GPRIN3: variants seen among roughly 807,000 people sequenced by gnomAD.
GPRIN3 encodes G protein-regulated inducer of neurite outgrowth 3.
Under a neutral mutation model 13.7 loss-of-function variants are expected in GPRIN3, and 12 were observed. The ratio of observed to expected loss-of-function variants is 0.87; its 90% CI spans 0.56 to 1.42. The LOEUF is 1.42. GPRIN3 is among the 40% of genes most tolerant of loss of function. GPRIN3 has a pLI of 0.00. For missense variants in GPRIN3, 1,009 were observed against 958.7 expected, an observed-to-expected ratio of 1.05 and a Z score of -0.69; for synonymous variants, 377 against 372.7, an observed-to-expected ratio of 1.01 and a Z score of -0.13.
At chr4:89,286,438 G>A (rs964159120) in intron 1 of GPRIN3, among the ~76,000 whole-genome samples, 4 of 152,032 alleles carry the variant, frequency 2.6e-5, no homozygotes, top group Non-Finnish European at 5.9e-5. Context: ...TTTGTCTTTC[G>A]CTGGTGCTTT....
chr4:89,254,166 C>T (rs890628242), intron 1 of GPRIN3, among the ~76,000 whole-genome samples: 1 of 89,312 alleles, frequency 1.1e-5, no homozygotes, highest in Non-Finnish European at 2.5e-5. Flanking sequence ...GTGTGTCCTG[C>T]ATGGTTTTCT....
chr4:89,257,698 A>T (rs10011508), intron 1 of GPRIN3, among the ~76,000 whole-genome samples: 84,644 of 151,978 alleles, frequency 0.56, 23,960 homozygotes, highest in South Asian at 0.71. Flanking sequence ...GACCTCTTTT[A>T]ATTTTTATTT....
intron 1 of GPRIN3, among the ~76,000 whole-genome samples, chr4:89,305,978 C>T (rs962913436): frequency 4.6e-5 from 7 of 152,140 alleles, no homozygotes; most frequent in African/African-American, 1.4e-4. Context: ...ACACACTGTA[C>T]ATGGCTCTCC....
Position 89,303,537 on chromosome 4 carries a change from G to A in GPRIN3, c.-124+4078C>T, listed in dbSNP as rs967777769. Among the ~76,000 whole-genome samples, 33 of 152,218 alleles carry A rather than the reference G, an allele frequency of 2.2e-4. 1 individual carries two copies. In the Middle Eastern group the frequency reaches 0.014, roughly 63 times the overall value. ...TTAAAGTAGCAGTATTAGGAAAATA[G>A]ATCTTAGTCATAAAATAATTAACAA... On this transcript the variant is annotated intron_variant, in intron 1 of 1. Transcript: ENST00000609438.
intron 1 of GPRIN3, among the ~76,000 whole-genome samples, chr4:89,254,998 T>C (rs1723429014): frequency 6.6e-6 from 1 of 152,234 alleles, no homozygotes; most frequent in Non-Finnish European, 1.5e-5. Context: ...GCGTGGACTC[T>C]CCAAGTGACC....
At chr4:89,273,961 C>T (rs537443123) in intron 1 of GPRIN3, among the ~76,000 whole-genome samples, 2 of 152,236 alleles carry the variant, frequency 1.3e-5, no homozygotes, top group South Asian at 4.1e-4. Context: ...ACTGAGGATA[C>T]GACATGAGTA....
intron 1 of GPRIN3, among the ~76,000 whole-genome samples, chr4:89,257,280 T>C (rs925417450): frequency 3.9e-5 from 6 of 152,176 alleles, no homozygotes; most frequent in African/African-American, 1.2e-4. Context: ...AACATTGTTC[T>C]AGAAAAACGA....
chr4:89,301,500 T>C (rs568064790), intron 1 of GPRIN3, among the ~76,000 whole-genome samples: 1 of 152,290 alleles, frequency 6.6e-6, no homozygotes, highest in African/African-American at 2.4e-5. Flanking sequence ...AAAATATAGT[T>C]CACACAAACA....
intron 1 of GPRIN3, among the ~76,000 whole-genome samples, chr4:89,307,065 A>G (rs1469150307): frequency 6.6e-6 from 1 of 152,046 alleles, no homozygotes. Flanking sequence ...GTTCGCCTCT[A>G]TTAGTGAACA....
At chr4:89,251,146 G>A (rs1213067520) in intron 1 of GPRIN3, 1 of 151,986 alleles carries the variant, frequency 6.6e-6, no homozygotes, top group African/African-American at 2.4e-5. Context: ...TGAAAAAATG[G>A]ATAACAAATA....
intron 1 of GPRIN3, among the ~76,000 whole-genome samples, chr4:89,253,782 A>T (rs949321436): frequency 1.3e-5 from 2 of 150,938 alleles, no homozygotes; most frequent in Admixed American, 1.3e-4. Context: ...AGCACTTGAA[A>T]TCTCTGTATT....
intron 1 of GPRIN3, among the ~76,000 whole-genome samples, chr4:89,298,270 G>T (rs1048131308): frequency 6.6e-6 from 1 of 152,136 alleles, no homozygotes; most frequent in Non-Finnish European, 1.5e-5. Context: ...AAATGCATGT[G>T]TCTGTGACTT....
At chr4:89,272,858 T>C (rs766436374) in intron 1 of GPRIN3, among the ~76,000 whole-genome samples, 1 of 152,230 alleles carries the variant, frequency 6.6e-6, no homozygotes, top group Non-Finnish European at 1.5e-5. Context: ...ACTCACCAAA[T>C]TGATATGCAT....
Position 89,275,136 on chromosome 4 carries a change from C to CTGTGTGTGTGTGTGTG in GPRIN3, c.-123-24919_-123-24904dup, listed in dbSNP as rs56091424. Among the ~76,000 whole-genome samples the CTGTGTGTGTGTGTGTG allele has an allele frequency of 7.5e-3, 1,126 of 149,236 alleles. 11 individuals carry two copies. Among genetic ancestry groups the CTGTGTGTGTGTGTGTG allele is most frequent in the African/African-American group, 0.017 (697 of 40,358 alleles). ...TTTTCCAATAATGGACTAAGTAACT[C>CTGTGTGTGTGTGTGTG]TGTGTGTGTGTGTGTGTGTGTGTCC... On this transcript the variant is annotated intron_variant, in intron 1 of 1. Coordinates refer to ENST00000609438, the MANE Select transcript of GPRIN3 (RefSeq NM_198281.3).
chr4:89,270,563 A>ATT (rs1173623998), intron 1 of GPRIN3, among the ~76,000 whole-genome samples: 16 of 60,466 alleles, frequency 2.6e-4, no homozygotes, highest in South Asian at 1.4e-3. Context: ...TATGTATATA[A>ATT]TTTATATATA....
chr4:89,300,374 C>T (rs1394342), intron 1 of GPRIN3, among the ~76,000 whole-genome samples: 84,212 of 151,854 alleles, frequency 0.55, 24,445 homozygotes, highest in Non-Finnish European at 0.65. Flanking sequence ...GGGACTACAG[C>T]GAAGTAATGA....
chr4:89,303,158 A>T (rs112059447), intron 1 of GPRIN3, among the ~76,000 whole-genome samples: 148 of 152,294 alleles, frequency 9.7e-4, no homozygotes, highest in South Asian at 7.7e-3. Context: ...AAATGCATAC[A>T]AACATATTTA....
Position 89,244,004 on chromosome 4 carries a change from T to C in GPRIN3, c.*3776A>G, listed in dbSNP as rs1272252819. ...GATGCAGAAAAGGACAAACAATTTATATTAACAGCACACTTGCATATATCC... is the reference window on the plus strand; with the variant it reads ...GATGCAGAAAAGGACAAACAATTTACATTAACAGCACACTTGCATATATCC... On this transcript the variant is annotated 3_prime_UTR_variant, in exon 2 of 2. Coordinates refer to ENST00000609438, the MANE Select transcript of GPRIN3 (RefSeq NM_198281.3). 6.6e-6 allele frequency: 1 copy of C among 152,216 alleles called. No individual in the cohort carries two copies. The highest frequency in any genetic ancestry group is 1.5e-5 in the Non-Finnish European group (1 of 68,030). The allele number at this position is 152,216 out of a possible 1,614,324, so 9.4% of individuals were successfully genotyped here.
At chr4:89,289,729 C>T (rs1724520545) in intron 1 of GPRIN3, among the ~76,000 whole-genome samples, 1 of 152,108 alleles carries the variant, frequency 6.6e-6, no homozygotes, top group African/African-American at 2.4e-5. Flanking sequence ...ATGCATGAGG[C>T]ACAGCTGCCT....
Sources: gnomAD v4.1 joint callset for allele counts (sites outside exome capture counted in the v4.1 genomes callset) on GRCh38, gnomAD v4.1.1 for gene constraint, MANE v1.5 for transcripts, NCBI Gene and HGNC (gene_info 2026-07-23, HGNC 2026-07-21) for gene names.